MAGI2: variants seen among roughly 807,000 people sequenced by gnomAD.
The protein encoded by MAGI2 is membrane-associated guanylate kinase, WW and PDZ domain-containing protein 2.
MAGI2 carries 35 observed loss-of-function variants against 133.3 expected under a neutral mutation model. That is an observed-to-expected ratio of 0.26 (90% CI 0.20 to 0.35). The LOEUF (loss-of-function observed/expected upper bound fraction) is 0.35. MAGI2 is among the 10% of genes least tolerant of loss of function. The pLI is 1.00. For missense variants in MAGI2, 1,636 were observed against 1,863.4 expected (o/e 0.88, Z 2.25); for synonymous variants, 729 against 710.6 (o/e 1.03, Z -0.41).
intron 1 of MAGI2, among the ~76,000 whole-genome samples, chr7:79,151,109 T>G (rs1481527790): frequency 6.6e-6 from 1 of 152,144 alleles, no homozygotes. Flanking sequence ...TTACCAGTTA[T>G]TATCATTTTG....
chr7:78,440,002 A>AT (rs1355822221), intron 6 of MAGI2, among the ~76,000 whole-genome samples: 1 of 151,858 alleles, frequency 6.6e-6, no homozygotes, highest in East Asian at 1.9e-4. Context: ...ACGTATTTTT[A>AT]TTTTTTTACT....
intron 21 of MAGI2, among the ~76,000 whole-genome samples, chr7:78,068,602 A>C (rs960968382): frequency 1.3e-5 from 2 of 152,132 alleles, no homozygotes; most frequent in African/African-American, 4.8e-5. Context: ...GCTCTAAAAA[A>C]TCAAGTCTTA....
At chr7:79,288,460 A>T (rs1410507033) in intron 1 of MAGI2, among the ~76,000 whole-genome samples, 1 of 152,194 alleles carries the variant, frequency 6.6e-6, no homozygotes, top group Non-Finnish European at 1.5e-5. Flanking sequence ...TATTTCATAC[A>T]ACTTGGGTTT....
At chr7:78,618,635 T>G (rs1807366108) in intron 3 of MAGI2, 2 of 151,796 alleles carry the variant, frequency 1.3e-5, no homozygotes, top group Admixed American at 6.6e-5. Flanking sequence ...GTGTCAATCA[T>G]TAGATAATGG....
intron 1 of MAGI2, among the ~76,000 whole-genome samples, chr7:79,166,992 A>G (rs1824990530): frequency 6.6e-6 from 1 of 152,022 alleles, no homozygotes; most frequent in Non-Finnish European, 1.5e-5. Context: ...GGGAAGGTAT[A>G]CTACTCCTCA....
intron 1 of MAGI2, among the ~76,000 whole-genome samples, chr7:79,230,165 C>T (rs1831238317): frequency 6.6e-6 from 1 of 150,932 alleles, no homozygotes; most frequent in Non-Finnish European, 1.5e-5. Flanking sequence ...TGTATATGTG[C>T]CACATTTTCT....
At chr7:79,098,025 GGC>G (rs1288810427) in intron 1 of MAGI2, among the ~76,000 whole-genome samples, 2 of 152,168 alleles carry the variant, frequency 1.3e-5, no homozygotes, top group African/African-American at 2.4e-5. Context: ...GGGAGGCTGA[GGC>G]ATGAGAATCA....
intron 2 of MAGI2, among the ~76,000 whole-genome samples, chr7:78,826,339 T>C (rs1472689292): frequency 7.9e-5 from 10 of 126,420 alleles, no homozygotes; most frequent in Non-Finnish European, 1.6e-4. Context: ...GGCGACAGAG[T>C]GAGACTCCGT....
At chr7:79,265,377 T>G (rs900024638) in intron 1 of MAGI2, among the ~76,000 whole-genome samples, 3 of 152,162 alleles carry the variant, frequency 2.0e-5, no homozygotes, top group Admixed American at 6.5e-5. Flanking sequence ...AAATACCTAC[T>G]ATAGAATATA....
At chr7:79,404,777 C>T (rs1296216172) in intron 1 of MAGI2, among the ~76,000 whole-genome samples, 2 of 152,098 alleles carry the variant, frequency 1.3e-5, no homozygotes, top group African/African-American at 2.4e-5. Context: ...AGACTATTCT[C>T]CAGGTAGCTG....
intron 18 of MAGI2, 144 bp downstream of exon 18, chr7:78,132,745 A>G: frequency 8.2e-7 from 1 of 1,213,802 alleles, no homozygotes. Flanking sequence ...AACACACACA[A>G]CCTCGAAATC....
intron 9 of MAGI2, among the ~76,000 whole-genome samples, chr7:78,307,182 A>G (rs1562794808): frequency 6.6e-6 from 1 of 152,196 alleles, no homozygotes; most frequent in Non-Finnish European, 1.5e-5. Flanking sequence ...TGCCCAAAGG[A>G]CAACTTTTGT....
chr7:78,992,445 G>T (rs1456263137), intron 2 of MAGI2, among the ~76,000 whole-genome samples: 1 of 151,818 alleles, frequency 6.6e-6, no homozygotes, highest in Non-Finnish European at 1.5e-5. Context: ...AATTTAATGG[G>T]TTATTAAGTG....
At chr7:79,025,339 A>G (rs2079959) in intron 1 of MAGI2, among the ~76,000 whole-genome samples, 89,356 of 151,982 alleles carry the variant, frequency 0.59, 26,595 homozygotes, top group East Asian at 0.63. Context: ...ACACACATTG[A>G]GGCCTACTTG....
At chr7:79,317,486 G>T (rs562824332) in intron 1 of MAGI2, among the ~76,000 whole-genome samples, 10 of 152,052 alleles carry the variant, frequency 6.6e-5, no homozygotes, top group African/African-American at 2.4e-4. Context: ...TCTTAGTAAC[G>T]TGTTCCAAAA....
At chr7:78,715,123 G>A (rs377325904) in intron 2 of MAGI2, among the ~76,000 whole-genome samples, 1 of 152,150 alleles carries the variant, frequency 6.6e-6, no homozygotes, top group African/African-American at 2.4e-5. Context: ...GAATTGATTT[G>A]CTTGGAGGAA....
chr7:78,692,932 T>A (rs1349210564), intron 2 of MAGI2, among the ~76,000 whole-genome samples: 1 of 152,174 alleles, frequency 6.6e-6, no homozygotes, highest in Non-Finnish European at 1.5e-5. Context: ...ATTTTGCAAC[T>A]TTTACTTACT....
At chr7:78,795,301 T>C in intron 2 of MAGI2, among the ~76,000 whole-genome samples, 1 of 151,844 alleles carries the variant, frequency 6.6e-6, no homozygotes. Flanking sequence ...TCAGATCTTA[T>C]GCAAAATTTT....
chr7:78,652,644 T>C (rs1261629021), intron 2 of MAGI2, among the ~76,000 whole-genome samples: 3 of 152,084 alleles, frequency 2.0e-5, no homozygotes, highest in Non-Finnish European at 4.4e-5. Context: ...TAACTTAAGT[T>C]TAAAGACTTA....
Sources: gnomAD v4.1 joint callset for allele counts (sites outside exome capture counted in the v4.1 genomes callset) on GRCh38, gnomAD v4.1.1 for gene constraint, MANE v1.5 for transcripts, NCBI Gene and HGNC (gene_info 2026-07-23, HGNC 2026-07-21) for gene names.